The following SEMA3C variants were observed in gnomAD, a reference collection of about 807,000 sequenced individuals.
The protein encoded by SEMA3C is semaphorin 3C.
SEMA3C carries 47 observed loss-of-function variants against 89.4 expected under a neutral mutation model. The observed-to-expected ratio is 0.53, with a 90% CI of 0.42 to 0.67. The LOEUF is 0.67. SEMA3C is among the 30% of genes least tolerant of loss of function. The probability of loss-of-function intolerance (pLI) is 0.00; values close to 1 mark genes in which losing one functional copy is unlikely to be tolerated. For synonymous variants in SEMA3C, 310 were observed against 320.2 expected (o/e 0.97, Z 0.34); for missense variants, 839 against 929.1 (o/e 0.90, Z 1.26).
chr7:80,905,547 C>T (rs931200287), intron 2 of SEMA3C, among the ~76,000 whole-genome samples: 4 of 152,024 alleles, frequency 2.6e-5, no homozygotes, highest in African/African-American at 9.7e-5. Context: ...GCATTTTGCC[C>T]CAGAGGCCGG....
intron 11 of SEMA3C, among the ~76,000 whole-genome samples, chr7:80,795,738 T>G (rs1378558324): frequency 6.6e-6 from 1 of 152,244 alleles, no homozygotes; most frequent in African/African-American, 2.4e-5. Flanking sequence ...AAGGTGCCTT[T>G]TAAGTTGTCA....
At chr7:80,915,212 A>G (rs1172942956) in intron 2 of SEMA3C, among the ~76,000 whole-genome samples, 1 of 152,162 alleles carries the variant, frequency 6.6e-6, no homozygotes, top group African/African-American at 2.4e-5. Flanking sequence ...AGTCTGTAAG[A>G]TGCTTTAGTA....
intron 2 of SEMA3C, among the ~76,000 whole-genome samples, chr7:80,849,610 T>C (rs1265500601): frequency 1.3e-5 from 2 of 152,136 alleles, no homozygotes; most frequent in African/African-American, 4.8e-5. Flanking sequence ...GTAACAGATA[T>C]TCTTGGTTGG....
At chr7:80,789,148 G>A (rs1021359162) in intron 12 of SEMA3C, among the ~76,000 whole-genome samples, 158 bp downstream of exon 12, 1 of 151,950 alleles carries the variant, frequency 6.6e-6, no homozygotes, top group African/African-American at 2.4e-5. Context: ...TTACAGATGT[G>A]AAACTGAGGC....
chr7:80,761,540 G>T, intron 14 of SEMA3C, 76 bp downstream of exon 14: 1 of 791,800 alleles, frequency 1.3e-6, no homozygotes, highest in Non-Finnish European at 2.0e-6. Context: ...TAATTATTCA[G>T]AAGTTATAAA....
chr7:80,847,039 G>A (rs1365296321), intron 2 of SEMA3C, among the ~76,000 whole-genome samples: 2 of 152,130 alleles, frequency 1.3e-5, no homozygotes, highest in Non-Finnish European at 2.9e-5. Flanking sequence ...TACCCCACAA[G>A]TCTGAGTGTG....
chr7:80,804,218 G>C lies in SEMA3C; in HGVS notation c.689C>G (p.Pro230Arg). ...EPMFVDAHVI[P>R]DGTDPNDAKV... ...AGCATCATTTGGATCAGTACCATCT[G>C]GGATGACATGTGCATCTACAAACAT... is the stretch of plus-strand genomic sequence containing the variant. Residue 230 changes from proline (P) to arginine (R), a missense_variant, in exon 8 of 18, where the codon CCA (proline) becomes CGA (arginine). Coordinates refer to ENST00000265361, the MANE Select transcript of SEMA3C (RefSeq NM_006379.5). The C allele has an allele frequency of 6.2e-7, 1 of 1,607,936 alleles. No homozygotes were observed. The highest frequency in any genetic ancestry group is 8.5e-7 in the Non-Finnish European group (1 of 1,176,992).
intron 11 of SEMA3C, among the ~76,000 whole-genome samples, chr7:80,792,433 C>T (rs1788966118): frequency 6.6e-6 from 1 of 152,218 alleles, no homozygotes; most frequent in African/African-American, 2.4e-5. Context: ...TATTTGCAAG[C>T]ATTCTCGTTT....
intron 4 of SEMA3C, among the ~76,000 whole-genome samples, chr7:80,826,980 G>A (rs1789886155): frequency 6.6e-6 from 1 of 152,000 alleles, no homozygotes; most frequent in South Asian, 2.1e-4. Flanking sequence ...AATTAACAAA[G>A]GTACCATTTA....
chr7:80,881,022 C>A (rs1176769915), intron 2 of SEMA3C, among the ~76,000 whole-genome samples: 1 of 152,056 alleles, frequency 6.6e-6, no homozygotes, highest in African/African-American at 2.4e-5. Flanking sequence ...TATTCCATCA[C>A]AATTATTCTT....
intron 2 of SEMA3C, among the ~76,000 whole-genome samples, chr7:80,831,051 AT>A (rs1347976196): frequency 6.6e-6 from 1 of 152,214 alleles, no homozygotes; most frequent in Non-Finnish European, 1.5e-5. Flanking sequence ...CAGGGCTATG[AT>A]TCATGGTTGT....
chr7:80,776,575 T>A (rs1272580442), intron 12 of SEMA3C, among the ~76,000 whole-genome samples: 1 of 152,234 alleles, frequency 6.6e-6, no homozygotes, highest in Admixed American at 6.5e-5. Context: ...CTTATTTGTC[T>A]CTTCACCTGT....
intron 2 of SEMA3C, among the ~76,000 whole-genome samples, chr7:80,872,226 C>A (rs1460330520): frequency 1.3e-5 from 2 of 152,152 alleles, no homozygotes; most frequent in Non-Finnish European, 2.9e-5. Context: ...TCTCGGCTCA[C>A]TGCAACCTCC....
chr7:80,911,084 T>C (rs1285927015), intron 2 of SEMA3C, among the ~76,000 whole-genome samples: 1 of 152,156 alleles, frequency 6.6e-6, no homozygotes, highest in Non-Finnish European at 1.5e-5. Context: ...GAATCATAAA[T>C]TAAAGGGGGA....
Position 80,887,513 on chromosome 7 carries a change from CG to C in SEMA3C, c.103+29165del, listed in dbSNP as rs1259150419. Among the ~76,000 whole-genome samples, 3 of 152,034 alleles carry C rather than the reference CG, an allele frequency of 2.0e-5. No individual in the cohort carries two copies. The East Asian group carries it at 5.8e-4, about 29-fold the overall frequency. ...CTGACCCAAGATTAAATGGATGAAT[CG>C]AATCTCCAAATCAAAGCATTGGTAG... is the stretch of plus-strand genomic sequence containing the variant. On this transcript the variant is annotated intron_variant, in intron 2 of 17. Coordinates refer to ENST00000265361, the MANE Select transcript of SEMA3C (RefSeq NM_006379.5).
chr7:80,852,987 A>G (rs1054837552), intron 2 of SEMA3C, among the ~76,000 whole-genome samples: 10 of 151,988 alleles, frequency 6.6e-5, no homozygotes, highest in Non-Finnish European at 1.2e-4. Flanking sequence ...CTGAATAGAC[A>G]TTTTTCAAAA....
chr7:80,838,761 A>C (rs1204890459), intron 2 of SEMA3C, among the ~76,000 whole-genome samples: 1 of 152,126 alleles, frequency 6.6e-6, no homozygotes, highest in Non-Finnish European at 1.5e-5. Flanking sequence ...AGAGCAAGAA[A>C]GTGCAACACT....
At chr7:80,886,963 C>T (rs1193721857) in intron 2 of SEMA3C, among the ~76,000 whole-genome samples, 1 of 152,002 alleles carries the variant, frequency 6.6e-6, no homozygotes, top group Non-Finnish European at 1.5e-5. Flanking sequence ...ATGCTAAACA[C>T]TAAAGTCTTG....
At chr7:80,803,142 TTA>T (rs1789249155) in intron 8 of SEMA3C, among the ~76,000 whole-genome samples, 1 of 152,222 alleles carries the variant, frequency 6.6e-6, no homozygotes, top group Non-Finnish European at 1.5e-5. Context: ...ACATAAATTA[TTA>T]TACACAGTGA....
Sources: gnomAD v4.1 joint callset for allele counts (sites outside exome capture counted in the v4.1 genomes callset) on GRCh38, gnomAD v4.1.1 for gene constraint, MANE v1.5 for transcripts, NCBI Gene and HGNC (gene_info 2026-07-23, HGNC 2026-07-21) for gene names.